GINS3: variants seen among roughly 807,000 people sequenced by gnomAD.
GINS3 encodes the protein DNA replication complex GINS protein PSF3.
Under a neutral mutation model 20.0 loss-of-function variants are expected in GINS3, and 18 were observed. The observed-to-expected ratio is 0.90, with a 90% confidence interval of 0.62 to 1.33. The LOEUF (loss-of-function observed/expected upper bound fraction) is 1.33. GINS3 is among the 40% of genes most tolerant of loss of function. The pLI is 0.00. For synonymous variants in GINS3, 109 were observed against 107.0 expected (o/e 1.02, Z -0.12); for missense variants, 254 against 273.6 (o/e 0.93, Z 0.51).
chr16:58,401,578 G>C (rs1160923970), intron 1 of GINS3, among the ~76,000 whole-genome samples: 1 of 152,172 alleles, frequency 6.6e-6, no homozygotes, highest in Non-Finnish European at 1.5e-5. Flanking sequence ...AGTGCTGATT[G>C]GTGTGTTTAC....
chr16:58,397,536 T>C (rs62042602), intron 1 of GINS3, among the ~76,000 whole-genome samples: 2,496 of 150,972 alleles, frequency 0.017, 30 homozygotes, highest in Middle Eastern at 0.051. Context: ...TGAGTGAACG[T>C]GACTCCGTCT....
chr16:58,400,710 T>C (rs1390095056), intron 1 of GINS3, among the ~76,000 whole-genome samples: 1 of 152,262 alleles, frequency 6.6e-6, no homozygotes. Context: ...TTTCACTGGG[T>C]ATAAGATTTT....
chr16:58,399,741 A>G (rs1055052645), intron 1 of GINS3, among the ~76,000 whole-genome samples: 16 of 151,824 alleles, frequency 1.1e-4, no homozygotes, highest in African/African-American at 3.9e-4. Context: ...TTATTCATTT[A>G]CCTTTTTATT....
intron 1 of GINS3, among the ~76,000 whole-genome samples, chr16:58,393,139 TAG>T (rs1965806547): frequency 6.6e-6 from 1 of 152,232 alleles, no homozygotes; most frequent in African/African-American, 2.4e-5. Flanking sequence ...ACTTAAGAAT[TAG>T]AGTTCTGATC....
In GINS3 at chr16:58,405,119, TG is replaced by T; in HGVS notation, c.*393del. ...CTAGCCACAAAGCACAGGTACAAAC[TG>T]GGTCATCGCCTGTTCACAAAATGCT... On this transcript the variant is annotated 3_prime_UTR_variant, in exon 3 of 3. Transcript: ENST00000318129. 1 of 209,196 alleles carries T rather than the reference TG, an allele frequency of 4.8e-6. No homozygotes were observed. Among genetic ancestry groups the T allele is most frequent in the South Asian group, 8.5e-5 (1 of 11,702 alleles). 13.0% of individuals were successfully genotyped at this position (209,196 alleles called of 1,614,324 possible). A position where few individuals can be genotyped will look rare whatever the true frequency, so the allele number is the denominator to read the frequency against.
chr16:58,400,724 C>A (rs1237576599), intron 1 of GINS3, among the ~76,000 whole-genome samples: 1 of 151,778 alleles, frequency 6.6e-6, no homozygotes, highest in Admixed American at 6.6e-5. Flanking sequence ...AGATTTTACA[C>A]TCACAGTTAT....
chr16:58,402,470 A>G (rs1965970127), intron 1 of GINS3, among the ~76,000 whole-genome samples: 1 of 152,114 alleles, frequency 6.6e-6, no homozygotes, highest in Non-Finnish European at 1.5e-5. Flanking sequence ...CCCTTGTGAG[A>G]GTTTTGGCTC....
intron 1 of GINS3, among the ~76,000 whole-genome samples, chr16:58,397,188 A>G (rs1327353617): frequency 2.0e-5 from 3 of 147,086 alleles, no homozygotes; most frequent in Non-Finnish European, 4.5e-5. Flanking sequence ...TGCCAGGCAG[A>G]GGGTCTCCTC....
intron 1 of GINS3, among the ~76,000 whole-genome samples, chr16:58,397,818 C>A (rs147793894): frequency 3.1e-4 from 47 of 151,302 alleles, no homozygotes; most frequent in Middle Eastern, 3.4e-3. Context: ...AGAGGGAGAC[C>A]GTGGGGAGAG....
chr16:58,405,995 A>C lies in GINS3; in HGVS notation c.*1266A>C, dbSNP rs750399247. The stretch of plus-strand genomic sequence containing the variant: ...TTTAAGATGGAATTGTTGTTTTTAT[A>C]ATTTGATTTTAGTGCTAAATAAATG... On this transcript the variant is annotated 3_prime_UTR_variant, in exon 3 of 3. Transcript: ENST00000318129. The C allele has an allele frequency of 2.0e-5, 3 of 152,212 alleles. No homozygotes were observed. The highest frequency in any genetic ancestry group is 7.2e-5 in the African/African-American group (3 of 41,432). The allele number at this position is 152,212 out of a possible 1,614,324, so 9.4% of individuals were successfully genotyped here.
At position 58,393,082 on chromosome 16, in the gene GINS3, C is replaced by A. The variant is rs533156726; in HGVS notation, c.186+295C>A. On this transcript the variant is annotated intron_variant, in intron 1 of 2. Transcript: ENST00000318129. ...TGTCCAAATTAGTGTCTTCCCCCTACCCCATGCAACGTGTGTTGAATGCTT... is the reference window on the plus strand; with the variant it reads ...TGTCCAAATTAGTGTCTTCCCCCTAACCCATGCAACGTGTGTTGAATGCTT... Among the ~76,000 whole-genome samples, 59 of 152,336 alleles carry A rather than the reference C, an allele frequency of 3.9e-4. 2 individuals are homozygous for A. In the South Asian group the frequency reaches 9.5e-3, roughly 25 times the overall value.
chr16:58,398,131 TCCCA>T (rs1488858813), intron 1 of GINS3, among the ~76,000 whole-genome samples: 1 of 151,888 alleles, frequency 6.6e-6, no homozygotes, highest in East Asian at 1.9e-4. Context: ...GGCTTAATTC[TCCCA>T]CCACACACAC....
At chr16:58,396,447 A>T (rs1161900277) in intron 1 of GINS3, among the ~76,000 whole-genome samples, 1 of 69,476 alleles carries the variant, frequency 1.4e-5, no homozygotes. Context: ...GGGGCTCCTC[A>T]CTTCCCAGTA....
At chr16:58,401,579 G>A (rs577351936) in intron 1 of GINS3, among the ~76,000 whole-genome samples, 85 of 152,154 alleles carry the variant, frequency 5.6e-4, no homozygotes, top group Non-Finnish European at 1.1e-3. Flanking sequence ...GTGCTGATTG[G>A]TGTGTTTACA....
At chr16:58,402,486 G>T (rs1965970505) in intron 1 of GINS3, among the ~76,000 whole-genome samples, 1 of 152,122 alleles carries the variant, frequency 6.6e-6, no homozygotes, top group Admixed American at 6.5e-5. Context: ...GGCTCTTACT[G>T]CTTCATTCAA....
Position 58,404,942 on chromosome 16 carries a change from C to G in GINS3, c.*213C>G, listed in dbSNP as rs111320530. On this transcript the variant is annotated 3_prime_UTR_variant, in exon 3 of 3. Coordinates refer to ENST00000318129, the MANE Select transcript of GINS3 (RefSeq NM_022770.4). Reference sequence around the variant, plus strand: ...AGGACCGTCCCACCCTGCTGACCCACAGCCCAGGCCCTTTAACCCAAGAAC... The same window carrying G: ...AGGACCGTCCCACCCTGCTGACCCAGAGCCCAGGCCCTTTAACCCAAGAAC... The G allele has an allele frequency of 2.9e-4, 157 of 550,762 alleles. No individual in the cohort carries two copies. The highest frequency in any genetic ancestry group is 2.4e-3 in the African/African-American group (127 of 53,128). 34.1% of individuals were successfully genotyped at this position (550,762 alleles called of 1,614,324 possible).
chr16:58,392,708 C>T lies in GINS3; in HGVS notation c.107C>T (p.Thr36Met), dbSNP rs1965797661. 14 of 1,614,224 alleles carry T rather than the reference C, an allele frequency of 8.7e-6. No individual in the cohort carries two copies. The highest frequency in any genetic ancestry group is 1.2e-5 in the Non-Finnish European group (14 of 1,180,048). Reference sequence around the variant, plus strand: ...TCCCACGAGAAGCTGCCGGTGCGCACGGAGACCGCCATGCCTCGCCTTGGC... The same window carrying T: ...TCCCACGAGAAGCTGCCGGTGCGCATGGAGACCGCCATGCCTCGCCTTGGC... ...LMSHEKLPVR[T>M]ETAMPRLGAF... is the part of the protein sequence containing the mutation. The change falls in exon 1 of 3, where the codon ACG becomes ATG. Residue 36 changes from threonine to methionine, a missense_variant. Physicochemically the swap from Thr to Met is moderately conservative, Grantham distance 81 (BLOSUM62 -1). Transcript: ENST00000318129.
At chr16:58,395,378 G>A (rs928452663) in intron 1 of GINS3, among the ~76,000 whole-genome samples, 1 of 149,000 alleles carries the variant, frequency 6.7e-6, no homozygotes, top group Non-Finnish European at 1.5e-5. Flanking sequence ...TTCTCGCAAA[G>A]GGGGATTTGG....
intron 1 of GINS3, 52 bp downstream of exon 1, chr16:58,392,839 G>C (rs1426024377): frequency 6.6e-7 from 1 of 1,507,636 alleles, no homozygotes; most frequent in Non-Finnish European, 8.9e-7. Flanking sequence ...CTCCCGGCGG[G>C]CCCCTCGGCC....
Sources: allele counts gnomAD v4.1 joint callset (sites outside exome capture counted in the v4.1 genomes callset), GRCh38; gene constraint gnomAD v4.1.1; transcripts MANE v1.5; gene names NCBI Gene and HGNC (gene_info 2026-07-23, HGNC 2026-07-21).